THSD4: variants seen among roughly 807,000 people sequenced by gnomAD.
THSD4 encodes thrombospondin type-1 domain-containing protein 4.
A neutral mutation model predicts 119.0 loss-of-function variants in THSD4; 69 were observed. The observed-to-expected ratio is 0.58, with a 90% confidence interval of 0.48 to 0.71. THSD4 has a LOEUF of 0.71. THSD4 is among the 30% of genes least tolerant of loss of function. THSD4 has a pLI of 0.00. For synonymous variants in THSD4, 524 were observed against 540.4 expected (o/e 0.97, Z 0.42); for missense variants, 1,393 against 1,391.1 (o/e 1.00, Z -0.02).
chr15:71,669,870 G>A (rs2051488577), intron 8 of THSD4, among the ~76,000 whole-genome samples: 1 of 152,200 alleles, frequency 6.6e-6, no homozygotes, highest in Non-Finnish European at 1.5e-5. Context: ...AGAGGCATAT[G>A]AGGATTCAGT....
chr15:71,366,964 C>T (rs1308954489), intron 6 of THSD4, among the ~76,000 whole-genome samples: 2 of 152,210 alleles, frequency 1.3e-5, no homozygotes, highest in Non-Finnish European at 1.5e-5. Flanking sequence ...GCACAGCTCT[C>T]TCCAAAGAGC....
intron 3 of THSD4, among the ~76,000 whole-genome samples, chr15:71,180,375 C>T (rs182982472): frequency 6.1e-4 from 93 of 151,970 alleles, no homozygotes; most frequent in African/African-American, 2.2e-3. Context: ...ATGCAAATGT[C>T]CAATAAGCAC....
intron 7 of THSD4, among the ~76,000 whole-genome samples, chr15:71,639,668 A>C (rs1311397028): frequency 6.6e-6 from 1 of 152,198 alleles, no homozygotes; most frequent in East Asian, 1.9e-4. Context: ...ATTATGATTT[A>C]AATATGTTAA....
chr15:71,317,664 G>C lies in THSD4; in HGVS notation c.1015+60949G>C, dbSNP rs535224489. On this transcript the variant is annotated intron_variant, in intron 6 of 17. Coordinates refer to ENST00000261862, the MANE Select transcript of THSD4 (RefSeq NM_024817.3). ...TATCAGATGGCAAAATGTACCCTTT[G>C]GGAAGTTCGTTTTTTCACATGATTC... is the stretch of plus-strand genomic sequence containing the variant. Among the ~76,000 whole-genome samples the C allele has an allele frequency of 5.9e-5, 9 of 152,292 alleles. No homozygotes were observed. The East Asian group carries it at 1.5e-3, about 26-fold the overall frequency.
At chr15:71,745,443 T>C (rs959267643) in intron 12 of THSD4, among the ~76,000 whole-genome samples, 1 of 152,188 alleles carries the variant, frequency 6.6e-6, no homozygotes, top group African/African-American at 2.4e-5. Context: ...TCAACCCACT[T>C]CTGGGAAGCC....
chr15:71,592,932 T>C (rs533674808), intron 7 of THSD4, among the ~76,000 whole-genome samples: 2 of 152,224 alleles, frequency 1.3e-5, no homozygotes, highest in South Asian at 4.2e-4. Context: ...ATCTTTGTTT[T>C]AATGCAGAGC....
chr15:71,136,747 T>C (rs2040555624), intron 1 of THSD4, among the ~76,000 whole-genome samples: 2 of 151,982 alleles, frequency 1.3e-5, no homozygotes, highest in Admixed American at 6.5e-5. Flanking sequence ...AGCAGATCCT[T>C]GTCTTCTGAG....
chr15:71,571,047 T>A (rs1259087191), intron 7 of THSD4, among the ~76,000 whole-genome samples: 2 of 152,224 alleles, frequency 1.3e-5, no homozygotes, highest in Admixed American at 6.5e-5. Context: ...CTGTGAGACG[T>A]CAGAACTCCC....
At chr15:71,207,719 G>A (rs2043856220) in intron 3 of THSD4, among the ~76,000 whole-genome samples, 1 of 152,166 alleles carries the variant, frequency 6.6e-6, no homozygotes, top group Admixed American at 6.5e-5. Flanking sequence ...TGTGAACTGT[G>A]CATGTGAGGG....
chr15:71,287,916 A>G (rs1451006856), intron 6 of THSD4, among the ~76,000 whole-genome samples: 1 of 152,228 alleles, frequency 6.6e-6, no homozygotes, highest in East Asian at 1.9e-4. Context: ...GAGAGCTAAT[A>G]CACTCCCTCA....
At chr15:71,253,762 A>T (rs1020118223) in intron 5 of THSD4, among the ~76,000 whole-genome samples, 1 of 152,180 alleles carries the variant, frequency 6.6e-6, no homozygotes, top group Non-Finnish European at 1.5e-5. Context: ...AAAATTAAAT[A>T]ACACAAATAG....
rs186865801 is a variant in THSD4 at position 71,561,530 on chromosome 15, T to C, written c.1153-99000T>C. Reference sequence around the variant, plus strand: ...TGAGAAGAATGAGAGGGAATTAATATGGAGTTGGGGGTGAGGGCATCACCC... The same window carrying C: ...TGAGAAGAATGAGAGGGAATTAATACGGAGTTGGGGGTGAGGGCATCACCC... On this transcript the variant is annotated intron_variant, in intron 7 of 17. Transcript: ENST00000261862. 4.1e-3 allele frequency among the ~76,000 whole-genome samples: 620 copies of C among 152,148 alleles called. 9 individuals carry two copies. The highest frequency in any genetic ancestry group is 0.014 in the African/African-American group (591 of 41,524).
rs1330698360 is a variant in THSD4, at chr15:71,180,188, A to T, written c.99+25256A>T. On this transcript the variant is annotated intron_variant, in intron 3 of 17. Coordinates refer to ENST00000261862, the MANE Select transcript of THSD4 (RefSeq NM_024817.3). ...AAAAAAAATAAAAAAAAAAAAAGAC[A>T]CTATCAACAGAGTATAAAGGCAACC... Among the ~76,000 whole-genome samples, 5 of 149,660 alleles carry T rather than the reference A, an allele frequency of 3.3e-5. No individual in the cohort carries two copies. The East Asian group carries it at 7.8e-4, about 23-fold the overall frequency.
chr15:71,640,694 T>C (rs1167114786), intron 7 of THSD4, among the ~76,000 whole-genome samples: 2 of 152,166 alleles, frequency 1.3e-5, no homozygotes, highest in African/African-American at 4.8e-5. Context: ...AATCCATCCC[T>C]TTATTTTATA....
At chr15:71,434,434 CTTTTTTTTTTTT>C (rs34097873) in intron 7 of THSD4, among the ~76,000 whole-genome samples, 1 of 82,586 alleles carries the variant, frequency 1.2e-5, no homozygotes, top group Non-Finnish European at 2.2e-5. Flanking sequence ...TCAGTGGTCC[CTTTTTTTTTTTT>C]TTTTTTTTTT....
chr15:71,373,679 C>G (rs1265316476), intron 6 of THSD4, among the ~76,000 whole-genome samples: 2 of 152,142 alleles, frequency 1.3e-5, no homozygotes, highest in Non-Finnish European at 2.9e-5. Flanking sequence ...CTGACTTGCT[C>G]CTGTCCAAAT....
intron 14 of THSD4, among the ~76,000 whole-genome samples, chr15:71,757,306 G>A (rs2053555894): frequency 6.6e-6 from 1 of 152,116 alleles, no homozygotes; most frequent in Non-Finnish European, 1.5e-5. Context: ...ATATCAGGCA[G>A]CAACATTGAG....
chr15:71,212,397 G>A (rs1316721158), intron 3 of THSD4, among the ~76,000 whole-genome samples: 1 of 152,126 alleles, frequency 6.6e-6, no homozygotes, highest in East Asian at 1.9e-4. Context: ...GCCCAATTTG[G>A]CAATAGGAAC....
intron 6 of THSD4, among the ~76,000 whole-genome samples, chr15:71,386,437 G>T (rs1337920094): frequency 6.6e-6 from 1 of 152,158 alleles, no homozygotes; most frequent in Non-Finnish European, 1.5e-5. Context: ...GCCAAGAGGG[G>T]GTTAGGGGAG....
Sources: gnomAD v4.1 joint callset for allele counts (sites outside exome capture counted in the v4.1 genomes callset) on GRCh38, gnomAD v4.1.1 for gene constraint, MANE v1.5 for transcripts, NCBI Gene and HGNC (gene_info 2026-07-23, HGNC 2026-07-21) for gene names.